Variants in ICA1L observed in about 807,000 individuals in gnomAD.
ICA1L encodes islet cell autoantigen 1-like protein.
In ICA1L, 50 loss-of-function variants were observed where a neutral mutation model predicts 61.3. The ratio of observed to expected loss-of-function variants is 0.82; its 90% confidence interval spans 0.65 to 1.03. The LOEUF (loss-of-function observed/expected upper bound fraction) is 1.03. Among genes scored for constraint, ICA1L ranks in the 50% least tolerant of loss-of-function variants. The pLI, the probability that ICA1L is intolerant of heterozygous loss-of-function variation, is 0.00. For synonymous variants in ICA1L, 161 were observed against 191.3 expected, an observed-to-expected ratio of 0.84 and a Z score of 1.31; for missense variants, 508 against 556.7, an observed-to-expected ratio of 0.91 and a Z score of 0.88.
intron 9 of ICA1L, among the ~76,000 whole-genome samples, chr2:202,798,127 A>AT (rs1574334909): frequency 1.3e-5 from 2 of 152,284 alleles, no homozygotes; most frequent in East Asian, 3.9e-4. Context: ...TGAAGGCTGA[A>AT]TAGTATTCCA....
chr2:202,860,932 T>A (rs1034297956), intron 1 of ICA1L, among the ~76,000 whole-genome samples: 1 of 151,438 alleles, frequency 6.6e-6, no homozygotes, highest in Non-Finnish European at 1.5e-5. Flanking sequence ...GGTCAATTTA[T>A]CAAGAAGACA....
rs932787901 is a variant in ICA1L, at chr2:202,811,606, G to C, written c.910+140C>G. On this transcript the variant is annotated intron_variant, in intron 9 of 12. Coordinates refer to ENST00000358299, the MANE Select transcript of ICA1L (RefSeq NM_001288622.3). ...GAACCTGGGAGGCAGAGCTTGCAGT[G>C]AGCCAAGATCACGCAACTGCACTCC... 65 of 578,246 alleles carry C rather than the reference G, an allele frequency of 1.1e-4. No homozygotes were observed. The African/African-American group carries it at 1.2e-3, about 11-fold the overall frequency. 35.8% of individuals were successfully genotyped at this position (578,246 alleles called of 1,614,324 possible). A position where few individuals can be genotyped will look rare whatever the true frequency, so the allele number is the denominator to read the frequency against.
chr2:202,789,717 A>T (rs531026987), intron 10 of ICA1L, among the ~76,000 whole-genome samples: 1 of 152,224 alleles, frequency 6.6e-6, no homozygotes, highest in South Asian at 2.1e-4. Flanking sequence ...CAACGTTGAA[A>T]AGGGAATGGA....
intron 10 of ICA1L, among the ~76,000 whole-genome samples, chr2:202,793,960 G>A (rs1332558945): frequency 1.1e-4 from 16 of 147,786 alleles, no homozygotes; most frequent in East Asian, 1.0e-3. Context: ...TGCTCCAGCC[G>A]GGGCAACGAG....
At chr2:202,812,392 C>T (rs567380018) in intron 8 of ICA1L, among the ~76,000 whole-genome samples, 19 of 152,096 alleles carry the variant, frequency 1.2e-4, no homozygotes, top group Non-Finnish European at 2.5e-4. Flanking sequence ...GCCTGACCAA[C>T]GTGGTGAAAC....
In ICA1L at chr2:202,839,302, C is replaced by T. The variant is rs138312693; in HGVS notation, c.-7-10286G>A. On this transcript the variant is annotated intron_variant, in intron 1 of 12. Transcript: ENST00000358299. ...GATCACAAGGTCAGAAGATCGAGAC[C>T]GTCCTGGCTAACAAGGTGAAACCCC... Among the ~76,000 whole-genome samples, 68 of 151,856 alleles carry T rather than the reference C, an allele frequency of 4.5e-4. No individual in the cohort carries two copies. In the East Asian group the frequency reaches 6.0e-3, roughly 13 times the overall value.
At chr2:202,792,184 T>C (rs1463358260) in intron 10 of ICA1L, among the ~76,000 whole-genome samples, 4 of 151,708 alleles carry the variant, frequency 2.6e-5, no homozygotes, top group Non-Finnish European at 5.9e-5. Flanking sequence ...TAAAATAAAA[T>C]ATAGACAATA....
Position 202,778,829 on chromosome 2 carries a change from G to T in ICA1L, c.*704C>A, listed in dbSNP as rs1452525314. On this transcript the variant is annotated 3_prime_UTR_variant, in exon 13 of 13. Transcript: ENST00000358299. ...GATAGATTTTTCTGTTTCTGCAGAG[G>T]ATGGGCTTAGCAAATTAATTATCCT... 1.3e-5 allele frequency: 2 copies of T among 152,634 alleles called. No homozygotes were observed. Among genetic ancestry groups the T allele is most frequent in the African/African-American group, 2.4e-5 (1 of 41,452 alleles). 9.5% of individuals were successfully genotyped at this position (152,634 alleles called of 1,614,324 possible). A position where few individuals can be genotyped will look rare whatever the true frequency, so the allele number is the denominator to read the frequency against.
chr2:202,804,552 A>G (rs1434175771), intron 9 of ICA1L, among the ~76,000 whole-genome samples: 1 of 152,250 alleles, frequency 6.6e-6, no homozygotes, highest in African/African-American at 2.4e-5. Flanking sequence ...AAAAGACTAC[A>G]GGACAAAGTT....
chr2:202,870,068 C>G (rs188992860), intron 1 of ICA1L, among the ~76,000 whole-genome samples: 1 of 152,032 alleles, frequency 6.6e-6, no homozygotes, highest in African/African-American at 2.4e-5. Context: ...TTAAAGGAAG[C>G]GCAGTGAGTA....
At chr2:202,836,935 G>A (rs774343477) in intron 1 of ICA1L, among the ~76,000 whole-genome samples, 39 of 152,028 alleles carry the variant, frequency 2.6e-4, no homozygotes, top group African/African-American at 8.2e-4. Context: ...TCCACCTCCC[G>A]GGTTCAAGCA....
intron 3 of ICA1L, 111 bp from the exon 4 acceptor site, chr2:202,821,592 G>A: frequency 1.4e-6 from 1 of 729,052 alleles, no homozygotes; most frequent in Non-Finnish European, 2.1e-6. Flanking sequence ...TTTACTTAGG[G>A]GAAGAAGAAG....
chr2:202,832,026 C>T (rs1408377104), intron 1 of ICA1L, among the ~76,000 whole-genome samples: 1 of 151,956 alleles, frequency 6.6e-6, no homozygotes, highest in Non-Finnish European at 1.5e-5. Flanking sequence ...AATCATGAGG[C>T]AAGGGAGGGA....
chr2:202,863,166 C>T (rs555453704), intron 1 of ICA1L, among the ~76,000 whole-genome samples: 6 of 152,090 alleles, frequency 3.9e-5, no homozygotes, highest in African/African-American at 1.2e-4. Flanking sequence ...GTGGCAAGCA[C>T]CTGTAATCCC....
chr2:202,805,543 C>T (rs1230970973), intron 9 of ICA1L, among the ~76,000 whole-genome samples: 1 of 151,872 alleles, frequency 6.6e-6, no homozygotes, highest in African/African-American at 2.4e-5. Flanking sequence ...CAAGACCAAC[C>T]TTGGCAACAA....
chr2:202,840,941 G>C (rs1458736547), intron 1 of ICA1L: 1 of 720,860 alleles, frequency 1.4e-6, no homozygotes, highest in Admixed American at 1.8e-5. Context: ...TCTGGTACAT[G>C]CTCTCAGCCT....
chr2:202,846,074 G>A (rs1035668901), intron 1 of ICA1L, among the ~76,000 whole-genome samples: 3 of 152,028 alleles, frequency 2.0e-5, no homozygotes, highest in African/African-American at 4.8e-5. Flanking sequence ...CAAAAATGTC[G>A]GCAATGGTTT....
At chr2:202,787,610 G>T (rs1393840666) in intron 11 of ICA1L, among the ~76,000 whole-genome samples, 1 of 152,184 alleles carries the variant, frequency 6.6e-6, no homozygotes, top group Admixed American at 6.5e-5. Flanking sequence ...ACAACATGCT[G>T]CTGTCATAGA....
chr2:202,801,607 C>A (rs1574337519), intron 9 of ICA1L, among the ~76,000 whole-genome samples: 2 of 152,314 alleles, frequency 1.3e-5, no homozygotes, highest in Admixed American at 1.3e-4. Flanking sequence ...GTTCTCCTGG[C>A]TTCTCTACAT....
Sources: gnomAD v4.1 joint callset for allele counts (sites outside exome capture counted in the v4.1 genomes callset) on GRCh38, gnomAD v4.1.1 for gene constraint, MANE v1.5 for transcripts, NCBI Gene and HGNC (gene_info 2026-07-23, HGNC 2026-07-21) for gene names.